The following HAS2 variants were observed in gnomAD, a reference collection of about 807,000 sequenced individuals.
HAS2 encodes hyaluronan synthase 2.
HAS2 carries 16 observed loss-of-function variants against 51.6 expected under a neutral mutation model. The ratio of observed to expected loss-of-function variants is 0.31; its 90% CI spans 0.21 to 0.47. The LOEUF (loss-of-function observed/expected upper bound fraction) is 0.47, where lower values mean the gene tolerates loss of function less well. HAS2 is among the 20% of genes least tolerant of loss of function. The pLI is 1.00. For missense variants in HAS2, 361 were observed against 662.6 expected, an observed-to-expected ratio of 0.54 and a Z score of 5.00; for synonymous variants, 228 against 235.5, an observed-to-expected ratio of 0.97 and a Z score of 0.29.
At position 121,636,926 on chromosome 8, in the gene HAS2, G is replaced by C. The variant is rs138255691; in HGVS notation, c.-1+3927C>G. ...ATAAATTAGCATGAATTCAATTCAA[G>C]GGCATTATATTCCAAGAATTCTTGG... On this transcript the variant is annotated intron_variant, in intron 1 of 3. Coordinates refer to ENST00000303924, the MANE Select transcript of HAS2 (RefSeq NM_005328.3). Among the ~76,000 whole-genome samples the C allele has an allele frequency of 9.7e-3, 1,484 of 152,246 alleles. 27 individuals are homozygous for C. Among genetic ancestry groups the C allele is most frequent in the African/African-American group, 0.033 (1,373 of 41,526 alleles).
At chr8:121,622,729 TTAA>T (rs1187546280) in intron 2 of HAS2, among the ~76,000 whole-genome samples, 3 of 152,002 alleles carry the variant, frequency 2.0e-5, no homozygotes, top group African/African-American at 4.8e-5. Context: ...TGCATGTTCA[TTAA>T]TAATATTACA....
intron 2 of HAS2, among the ~76,000 whole-genome samples, chr8:121,627,086 A>G (rs1335161621): frequency 6.6e-6 from 1 of 152,240 alleles, no homozygotes; most frequent in South Asian, 2.1e-4. Context: ...GCATGTTTAA[A>G]GAAAAGGAAG....
chr8:121,627,135 C>A (rs1006597941), intron 2 of HAS2, among the ~76,000 whole-genome samples: 1 of 152,158 alleles, frequency 6.6e-6, no homozygotes, highest in African/African-American at 2.4e-5. Flanking sequence ...TTAGAAATGA[C>A]AAATGTAGCA....
chr8:121,621,007 T>A (rs1812767056), intron 2 of HAS2, among the ~76,000 whole-genome samples: 2 of 152,200 alleles, frequency 1.3e-5, no homozygotes, highest in Admixed American at 1.3e-4. Context: ...CTCATTTACT[T>A]ACTATTTATG....
intron 3 of HAS2, among the ~76,000 whole-genome samples, chr8:121,615,834 C>T (rs1329161752): frequency 1.3e-5 from 2 of 150,740 alleles, no homozygotes; most frequent in Non-Finnish European, 2.9e-5. Flanking sequence ...TTTCCCATGG[C>T]CTTCCTGCAA....
intron 1 of HAS2, chr8:121,640,019 C>A (rs1021679154): frequency 6.6e-6 from 1 of 152,202 alleles, no homozygotes; most frequent in Non-Finnish European, 1.5e-5. Context: ...CTGGGGACGC[C>A]GCAGCTGCCG....
Position 121,614,240 on chromosome 8 carries a change from T to C in HAS2, c.1528A>G (p.Thr510Ala), listed in dbSNP as rs1235184571. 6 of 1,614,100 alleles carry C rather than the reference T, an allele frequency of 3.7e-6. No homozygotes were observed. Among genetic ancestry groups the C allele is most frequent in the African/African-American group, 1.3e-5 (1 of 75,044 alleles). The change falls in exon 4 of 4, where the codon ACA becomes GCA. Residue 510 changes from threonine to alanine, a missense_variant. Transcript: ENST00000303924. The surrounding 1 kb of genome is among the most constrained non-coding windows in gnomAD (Gnocchi z 7.2). ...SKRPFSESKQ[T>A]VLIVGTLLYA... ...AGCAACGTTCCAACAATTAGAACTG[T>C]CTGTTTGGATTCTGAAAATGGCCTT...
At chr8:121,632,881 A>AATAATGTGC (rs1812952050) in intron 1 of HAS2, among the ~76,000 whole-genome samples, 2 of 152,160 alleles carry the variant, frequency 1.3e-5, no homozygotes, top group Non-Finnish European at 2.9e-5. Context: ...TAAGCACATT[A>AATAATGTGC]TTAATCTCAT....
chr8:121,614,589 T>C lies in HAS2; in HGVS notation c.1179A>G (p.Thr393=). ...TACCCCGGTAGAAGAGCTGGATTACTGTGGCAATGAGAAAGAAAGGAAAGA... is the reference window on the plus strand; with the variant it reads ...TACCCCGGTAGAAGAGCTGGATTACCGTGGCAATGAGAAAGAAAGGAAAGA... ...TGFFPFFLIA[T]VIQLFYRGKI... The change falls in exon 4 of 4, where the codon ACA becomes ACG. Residue 393 remains threonine (T), a synonymous_variant. Coordinates refer to ENST00000303924, the MANE Select transcript of HAS2 (RefSeq NM_005328.3). The surrounding 1 kb of genome is among the most constrained non-coding windows in gnomAD (Gnocchi z 7.2). The C allele has an allele frequency of 1.2e-6, 2 of 1,613,936 alleles. No individual in the cohort carries two copies. Among genetic ancestry groups the C allele is most frequent in the South Asian group, 1.1e-5 (1 of 91,080 alleles).
chr8:121,633,902 GTTTTTTTGGGTTTTTTT>G (rs1812970651), intron 1 of HAS2, among the ~76,000 whole-genome samples: 1 of 122,024 alleles, frequency 8.2e-6, no homozygotes, highest in South Asian at 2.4e-4. Context: ...CTAGTTTTTT[GTTTTTTTGGGTTTTTTT>G]TTTTTTTTGA....
In HAS2 at chr8:121,632,237, G is replaced by A. The variant is rs139286504; in HGVS notation, c.1-2897C>T. Among the ~76,000 whole-genome samples the A allele has an allele frequency of 4.9e-3, 745 of 152,270 alleles. 11 individuals carry two copies. Among genetic ancestry groups the A allele is most frequent in the African/African-American group, 0.017 (709 of 41,540 alleles). ...GATCTCAGGGAGTGACACATAGGACGTGTTTCTTTATAATTTCCCCTGGGC... is the reference window on the plus strand; with the variant it reads ...GATCTCAGGGAGTGACACATAGGACATGTTTCTTTATAATTTCCCCTGGGC... On this transcript the variant is annotated intron_variant, in intron 1 of 3. Coordinates refer to ENST00000303924, the MANE Select transcript of HAS2 (RefSeq NM_005328.3).
chr8:121,631,967 G>T (rs975649408), intron 1 of HAS2, among the ~76,000 whole-genome samples: 4 of 152,224 alleles, frequency 2.6e-5, no homozygotes, highest in Non-Finnish European at 5.9e-5. Context: ...AGAGAGTGTT[G>T]ACATAGCATC....
intron 1 of HAS2, among the ~76,000 whole-genome samples, chr8:121,632,852 T>A (rs572148831): frequency 6.6e-6 from 1 of 152,290 alleles, no homozygotes; most frequent in Non-Finnish European, 1.5e-5. Context: ...TCTTATTTAC[T>A]CTTAATGACT....
At chr8:121,633,230 C>T (rs1410847046) in intron 1 of HAS2, among the ~76,000 whole-genome samples, 1 of 150,854 alleles carries the variant, frequency 6.6e-6, no homozygotes, top group Non-Finnish European at 1.5e-5. Context: ...ACTGTAACCT[C>T]CCCTTCCCAG....
At chr8:121,635,485 T>C (rs1365540090) in intron 1 of HAS2, among the ~76,000 whole-genome samples, 1 of 152,154 alleles carries the variant, frequency 6.6e-6, no homozygotes, top group African/African-American at 2.4e-5. Context: ...AACTATGGCA[T>C]GATGAAAAGA....
At chr8:121,616,423 CTTTTTT>C (rs1041959722) in intron 3 of HAS2, among the ~76,000 whole-genome samples, 6 of 150,208 alleles carry the variant, frequency 4.0e-5, no homozygotes, top group South Asian at 2.1e-4. Flanking sequence ...ACTTCTATTT[CTTTTTT>C]CTTTTTCTTT....
At chr8:121,629,440 G>A in intron 1 of HAS2, 100 bp from the exon 2 acceptor site, 1 of 944,778 alleles carries the variant, frequency 1.1e-6, no homozygotes, top group South Asian at 1.7e-5. Context: ...AAGCATTCAG[G>A]AGTTTTAACA....
At chr8:121,633,865 G>A (rs1258692285) in intron 1 of HAS2, among the ~76,000 whole-genome samples, 4 of 151,822 alleles carry the variant, frequency 2.6e-5, no homozygotes. Flanking sequence ...CAGTTCAACA[G>A]TGAGAATTGA....
intron 2 of HAS2, among the ~76,000 whole-genome samples, chr8:121,618,344 T>TA (rs1424693584): frequency 6.6e-6 from 1 of 152,156 alleles, no homozygotes; most frequent in Non-Finnish European, 1.5e-5. Context: ...CTCCTGCAGA[T>TA]ACAGTGTATG....
Sources: allele counts gnomAD v4.1 joint callset (sites outside exome capture counted in the v4.1 genomes callset), GRCh38; gene constraint gnomAD v4.1.1; non-coding constraint Gnocchi (gnomAD v3.1); transcripts MANE v1.5; gene names NCBI Gene and HGNC (gene_info 2026-07-23, HGNC 2026-07-21).